The following DNAH9 variants were observed in gnomAD, a reference collection of about 807,000 sequenced individuals.
DNAH9 encodes DNAH9 variant protein.
DNAH9 carries 345 observed loss-of-function variants against 471.6 expected under a neutral mutation model. The ratio of observed to expected loss-of-function variants is 0.73; its 90% CI spans 0.67 to 0.80. DNAH9 has a LOEUF of 0.80. DNAH9 is among the 30% of genes least tolerant of loss of function. DNAH9 has a pLI of 0.00. For missense variants in DNAH9, 5,407 were observed against 5,609.2 expected, an observed-to-expected ratio of 0.96 and a Z score of 1.15; for synonymous variants, 2,093 against 2,123.6, an observed-to-expected ratio of 0.99 and a Z score of 0.40.
chr17:11,677,091 G>C (rs2074061197), intron 17 of DNAH9, among the ~76,000 whole-genome samples: 2 of 151,968 alleles, frequency 1.3e-5, no homozygotes, highest in Non-Finnish European at 1.5e-5. Context: ...GGGCATATTT[G>C]AAAATAATGT....
Position 11,819,425 on chromosome 17 carries a change from A to AT in DNAH9, c.8708-2485dup, listed in dbSNP as rs1257270006. Among the ~76,000 whole-genome samples the AT allele has an allele frequency of 8.6e-3, 1,291 of 150,234 alleles. 17 individuals are homozygous for AT. Among genetic ancestry groups the AT allele is most frequent in the African/African-American group, 0.028 (1,156 of 41,118 alleles). On this transcript the variant is annotated intron_variant, in intron 45 of 68. Transcript: ENST00000262442. ...TAGTCCAGCCCTTGTCTGCCTCCTGATTTTTTTTTTGAGACGAAGTCTTGC... is the reference window on the plus strand; with the variant it reads ...TAGTCCAGCCCTTGTCTGCCTCCTGATTTTTTTTTTTGAGACGAAGTCTTGC...
intron 8 of DNAH9, among the ~76,000 whole-genome samples, chr17:11,635,457 A>G (rs1198048422): frequency 6.7e-6 from 1 of 150,004 alleles, no homozygotes; most frequent in African/African-American, 2.5e-5. Context: ...CTGGGATTAT[A>G]GGCATGAGCC....
intron 42 of DNAH9, among the ~76,000 whole-genome samples, chr17:11,796,732 TC>T (rs1488117390): frequency 6.6e-6 from 1 of 152,238 alleles, no homozygotes; most frequent in Non-Finnish European, 1.5e-5. Flanking sequence ...GAAAGCCTAT[TC>T]TTTCTCGGAC....
At chr17:11,924,371 AT>A (rs1304188852) in intron 62 of DNAH9, among the ~76,000 whole-genome samples, 1 of 152,004 alleles carries the variant, frequency 6.6e-6, no homozygotes, top group Non-Finnish European at 1.5e-5. Context: ...TGACTAGGAT[AT>A]GGGAGCAACC....
intron 25 of DNAH9, among the ~76,000 whole-genome samples, chr17:11,704,816 CG>C (rs1267895681): frequency 1.1e-4 from 16 of 152,270 alleles, no homozygotes; most frequent in African/African-American, 3.8e-4. Flanking sequence ...CTCCTGACCT[CG>C]GGTGATCCGC....
rs191366823 is a variant in DNAH9 at position 11,759,321 on chromosome 17, A to C, written c.6995+1629A>C. Among the ~76,000 whole-genome samples the C allele has an allele frequency of 1.5e-4, 23 of 151,846 alleles. 1 individual carries two copies. In the East Asian group the frequency reaches 4.3e-3, roughly 28 times the overall value. Reference sequence around the variant, plus strand: ...TCTCTGGTGTTTATTATTTCACTCTATATTTCCATATATACCTACTGTTTA... The same window carrying C: ...TCTCTGGTGTTTATTATTTCACTCTCTATTTCCATATATACCTACTGTTTA... On this transcript the variant is annotated intron_variant, in intron 35 of 68. Coordinates refer to ENST00000262442, the MANE Select transcript of DNAH9 (RefSeq NM_001372.4).
chr17:11,781,165 ATGGCCAC>A lies in DNAH9; in HGVS notation c.7713_7718+1del. On this transcript the variant is annotated frameshift_variant and splice_region_variant, in exon 39 of 69. Transcript: ENST00000262442. LOFTEE classifies it high-confidence loss of function. The stretch of plus-strand genomic sequence containing the variant: ...ACCATCATCCGGCAGCATCTGGACT[ATGGCCAC>A]TGGTAAGAGCGCCCATGTAGAGGGA... The A allele has an allele frequency of 6.2e-7, 1 of 1,613,958 alleles. No homozygotes were observed.
intron 38 of DNAH9, among the ~76,000 whole-genome samples, chr17:11,779,239 C>G (rs1226477861): frequency 6.6e-6 from 1 of 152,064 alleles, no homozygotes; most frequent in African/African-American, 2.4e-5. Flanking sequence ...TGAGAACAGT[C>G]AGAACCCAGA....
chr17:11,870,467 G>A (rs751643594), intron 51 of DNAH9, among the ~76,000 whole-genome samples: 4 of 152,190 alleles, frequency 2.6e-5, no homozygotes, highest in Non-Finnish European at 5.9e-5. Context: ...AGAGCCAGAT[G>A]TTTTAATCTG....
rs1253794533 is a variant in DNAH9 at position 11,843,863 on chromosome 17, G to GTGTGTGTGTGTATATATA, written c.9507+8966_9507+8967insGTGTGTGTGTATATATAT. Among the ~76,000 whole-genome samples the GTGTGTGTGTGTATATATA allele has an allele frequency of 1.7e-3, 79 of 46,446 alleles. 1 individual carries two copies. The highest frequency in any genetic ancestry group is 2.6e-3 in the Non-Finnish European group (64 of 24,446). 30.5% of individuals were successfully genotyped at this position (46,446 alleles called of 152,430 possible). A position where few individuals can be genotyped will look rare whatever the true frequency, so the allele number is the denominator to read the frequency against. On this transcript the variant is annotated intron_variant, in intron 49 of 68. Transcript: ENST00000262442. Reference sequence around the variant, plus strand: ...TGTTTGTGTGTGTGTGTGTGTGTGTGTATATATATATATATATATATATAT... The same window carrying GTGTGTGTGTGTATATATA: ...TGTTTGTGTGTGTGTGTGTGTGTGTGTGTGTGTGTGTATATATATATATATATATATATATATATATAT...
At chr17:11,839,122 T>C (rs1970944170) in intron 49 of DNAH9, among the ~76,000 whole-genome samples, 2 of 152,164 alleles carry the variant, frequency 1.3e-5, no homozygotes, top group South Asian at 4.1e-4. Flanking sequence ...TCCCACCCCC[T>C]CAAAGTTACT....
At chr17:11,760,760 T>C (rs1967630835) in intron 35 of DNAH9, among the ~76,000 whole-genome samples, 1 of 152,142 alleles carries the variant, frequency 6.6e-6, no homozygotes, top group Non-Finnish European at 1.5e-5. Context: ...CCTCGTGATC[T>C]GCCCTCCTCG....
chr17:11,969,553 A>T lies in DNAH9; in HGVS notation c.*26A>T, dbSNP rs537206268. ...CATCCTGCAGAGCCACCGAGAAAAT[A>T]AAAAAGCTGGGCTTGGAGGCTGCCT... On this transcript the variant is annotated 3_prime_UTR_variant, in exon 69 of 69. Coordinates refer to ENST00000262442, the MANE Select transcript of DNAH9 (RefSeq NM_001372.4). The T allele has an allele frequency of 2.5e-6, 4 of 1,572,920 alleles. No individual in the cohort carries two copies. The highest frequency in any genetic ancestry group is 2.7e-5 in the African/African-American group (2 of 73,246).
At chr17:11,929,186 C>T (rs1282917061) in intron 62 of DNAH9, among the ~76,000 whole-genome samples, 4 of 151,966 alleles carry the variant, frequency 2.6e-5, no homozygotes, top group African/African-American at 4.8e-5. Context: ...AGGCGCCCAC[C>T]ACCATGCCCA....
intron 67 of DNAH9, among the ~76,000 whole-genome samples, chr17:11,953,329 G>A (rs1975472641): frequency 6.6e-6 from 1 of 152,130 alleles, no homozygotes; most frequent in Non-Finnish European, 1.5e-5. Context: ...TTTTGTGCTG[G>A]TCAGGCCTCA....
chr17:11,813,118 A>G (rs2150931201), intron 45 of DNAH9, among the ~76,000 whole-genome samples: 1 of 152,278 alleles, frequency 6.6e-6, no homozygotes, highest in Non-Finnish European at 1.5e-5. Context: ...TTCATTTAGA[A>G]CACAACTTTT....
intron 30 of DNAH9, among the ~76,000 whole-genome samples, chr17:11,743,741 A>G (rs974296881): frequency 1.3e-5 from 2 of 152,058 alleles, no homozygotes; most frequent in African/African-American, 4.8e-5. Context: ...GGTCTTCTTT[A>G]ATACCATTTC....
At chr17:11,660,319 C>CTTTTTTTTTTTTT (rs1208889792) in intron 14 of DNAH9, among the ~76,000 whole-genome samples, 1 of 97,508 alleles carries the variant, frequency 1.0e-5, no homozygotes, top group Non-Finnish European at 2.0e-5. Flanking sequence ...TTAAATGTTT[C>CTTTTTTTTTTTTT]TTTTTTTTTT....
chr17:11,753,097 C>G, intron 33 of DNAH9, 137 bp downstream of exon 33: 1 of 666,158 alleles, frequency 1.5e-6, no homozygotes. Context: ...AGCATCTTCA[C>G]CACACATCTC....
Sources: allele counts gnomAD v4.1 joint callset (sites outside exome capture counted in the v4.1 genomes callset), GRCh38; gene constraint gnomAD v4.1.1; transcripts MANE v1.5; gene names NCBI Gene and HGNC (gene_info 2026-07-23, HGNC 2026-07-21).